Variants in GRIK1 observed in about 807,000 individuals in gnomAD.
GRIK1 encodes glutamate receptor ionotropic, kainate 1.
Under a neutral mutation model 105.7 loss-of-function variants are expected in GRIK1, and 69 were observed. The ratio of observed to expected loss-of-function variants is 0.65; its 90% CI spans 0.54 to 0.80. GRIK1 has a LOEUF of 0.80. Ranked by LOEUF, GRIK1 falls within the 30% of genes least tolerant of loss-of-function variation. GRIK1 has a pLI of 0.00. For missense variants in GRIK1, 1,109 were observed against 1,167.3 expected, an observed-to-expected ratio of 0.95 and a Z score of 0.73; for synonymous variants, 438 against 431.3, an observed-to-expected ratio of 1.02 and a Z score of -0.19.
intron 1 of GRIK1, among the ~76,000 whole-genome samples, chr21:29,876,112 ATGTGTGTGTG>A (rs1555903193): frequency 1.3e-5 from 2 of 148,976 alleles, no homozygotes; most frequent in South Asian, 2.1e-4. Context: ...GGAGATAGAT[ATGTGTGTGTG>A]TGTGTGTGTG....
Position 29,843,424 on chromosome 21 carries a change from G to C in GRIK1, c.118+95959C>G, listed in dbSNP as rs994928077. ...GAGCTAACATCTGATCTACAACGAA[G>C]AGCAAATGGATGTTTTGAGATATGA... On this transcript the variant is annotated intron_variant, in intron 1 of 17. Coordinates refer to ENST00000327783, the MANE Select transcript of GRIK1 (RefSeq NM_001330994.2). Among the ~76,000 whole-genome samples the C allele has an allele frequency of 4.6e-5, 7 of 152,182 alleles. 1 individual carries two copies. Among genetic ancestry groups the C allele is most frequent in the Admixed American group, 3.9e-4 (6 of 15,262 alleles).
intron 1 of GRIK1, among the ~76,000 whole-genome samples, chr21:29,710,785 CTCCCTCCTTCCTTCCTTCCTTCCTTCCT>C (rs1393731233): frequency 4.1e-5 from 2 of 48,936 alleles, no homozygotes; most frequent in African/African-American, 1.4e-4. Context: ...CCCTCCCTCC[CTCCCTCCTTCCTTCCTTCCTTCCTTCCT>C]TCCTTCCTTC....
chr21:29,841,237 A>G (rs1278117995), intron 1 of GRIK1, among the ~76,000 whole-genome samples: 1 of 152,186 alleles, frequency 6.6e-6, no homozygotes, highest in Non-Finnish European at 1.5e-5. Flanking sequence ...ATATGTCTTT[A>G]TTGAATTCAG....
intron 1 of GRIK1, among the ~76,000 whole-genome samples, chr21:29,825,884 T>C (rs889918448): frequency 6.6e-6 from 1 of 152,112 alleles, no homozygotes; most frequent in Non-Finnish European, 1.5e-5. Context: ...ATTTGAATGC[T>C]ATTTTAGGGA....
intron 3 of GRIK1, among the ~76,000 whole-genome samples, chr21:29,686,282 G>C (rs763088201): frequency 1.3e-5 from 2 of 152,176 alleles, no homozygotes; most frequent in Non-Finnish European, 2.9e-5. Flanking sequence ...GTGAGGAAAG[G>C]TATCTGTTCC....
At chr21:29,842,040 A>G (rs1601828849) in intron 1 of GRIK1, among the ~76,000 whole-genome samples, 1 of 152,320 alleles carries the variant, frequency 6.6e-6, no homozygotes, top group East Asian at 1.9e-4. Flanking sequence ...CTAAATCTCT[A>G]GATGATCCCT....
At chr21:29,643,586 T>C (rs1191906914) in intron 6 of GRIK1, among the ~76,000 whole-genome samples, 1 of 152,224 alleles carries the variant, frequency 6.6e-6, no homozygotes, top group Admixed American at 6.5e-5. Flanking sequence ...TGCCAGCATG[T>C]GCTTTCTTGA....
chr21:29,801,862 CT>C (rs543667536), intron 1 of GRIK1, among the ~76,000 whole-genome samples: 263 of 152,112 alleles, frequency 1.7e-3, no homozygotes, highest in African/African-American at 6.1e-3. Context: ...TACCCACTCT[CT>C]TTTTTTTCTT....
intron 10 of GRIK1, among the ~76,000 whole-genome samples, chr21:29,589,770 A>C (rs139095123): frequency 6.6e-6 from 1 of 151,706 alleles, no homozygotes; most frequent in African/African-American, 2.4e-5. Context: ...TACATCACCA[A>C]CTATTTCCTT....
intron 15 of GRIK1, among the ~76,000 whole-genome samples, chr21:29,555,864 C>T (rs1487459988): frequency 6.6e-6 from 1 of 152,216 alleles, no homozygotes; most frequent in African/African-American, 2.4e-5. Context: ...TATGCTCCAA[C>T]TGCTACAAGG....
Position 29,618,479 on chromosome 21 carries a change from TAC to T in GRIK1, c.1099-19544_1099-19543del, listed in dbSNP as rs2061902888. On this transcript the variant is annotated intron_variant, in intron 7 of 17. Coordinates refer to ENST00000327783, the MANE Select transcript of GRIK1 (RefSeq NM_001330994.2). ...TTCCTTAAAGAACTAAAAGCAGAAC[TAC>T]CACTTGATCCAGCAAGCCGACTACT... Among the ~76,000 whole-genome samples, 4 of 152,152 alleles carry T rather than the reference TAC, an allele frequency of 2.6e-5. No homozygotes were observed. The South Asian group carries it at 6.2e-4, about 24-fold the overall frequency.
At chr21:29,674,082 T>C (rs562287074) in intron 3 of GRIK1, among the ~76,000 whole-genome samples, 1 of 152,054 alleles carries the variant, frequency 6.6e-6, no homozygotes, top group South Asian at 2.1e-4. Flanking sequence ...TTGTTGTTTT[T>C]TTTTTTTAGT....
chr21:29,637,179 A>T lies in GRIK1; in HGVS notation c.1098+5647T>A, dbSNP rs78727287. 7.8e-3 allele frequency among the ~76,000 whole-genome samples: 1,186 copies of T among 152,296 alleles called. 14 individuals are homozygous for T. Among genetic ancestry groups the T allele is most frequent in the African/African-American group, 0.027 (1,117 of 41,552 alleles). ...TTAATAGAAGCACTGTGACCCAGAAAATAACTAAGGACAACTGATGTAACG... is the reference window on the plus strand; with the variant it reads ...TTAATAGAAGCACTGTGACCCAGAATATAACTAAGGACAACTGATGTAACG... On this transcript the variant is annotated intron_variant, in intron 7 of 17. Coordinates refer to ENST00000327783, the MANE Select transcript of GRIK1 (RefSeq NM_001330994.2).
chr21:29,651,114 T>C lies in GRIK1; in HGVS notation c.954+4A>G. 6.3e-7 allele frequency: 1 copy of C among 1,597,068 alleles called. No individual in the cohort carries two copies. The highest frequency in any genetic ancestry group is 8.5e-7 in the Non-Finnish European group (1 of 1,172,420). On this transcript the variant is annotated splice_donor_region_variant and intron_variant, in intron 6 of 17. Coordinates refer to ENST00000327783, the MANE Select transcript of GRIK1 (RefSeq NM_001330994.2). Reference sequence around the variant, plus strand: ...GCAAATGATTTTATTTGAAAATGACTTACTGTCATCATGCCATCCAAAAGG... The same window carrying C: ...GCAAATGATTTTATTTGAAAATGACCTACTGTCATCATGCCATCCAAAAGG...
intron 1 of GRIK1, among the ~76,000 whole-genome samples, chr21:29,696,205 A>T (rs1386970507): frequency 6.6e-6 from 1 of 152,234 alleles, no homozygotes; most frequent in Non-Finnish European, 1.5e-5. Context: ...ATAATATGGG[A>T]CATTCAGGTA....
chr21:29,693,913 A>C lies in GRIK1; in HGVS notation c.269T>G (p.Phe90Cys), dbSNP rs369101785. 3.7e-6 allele frequency: 6 copies of C among 1,613,214 alleles called. No individual in the cohort carries two copies. The highest frequency in any genetic ancestry group is 5.1e-6 in the Non-Finnish European group (6 of 1,179,324). ...DIQRINLFDSFEASRRACDQL... is the reference protein window; with the variant it reads ...DIQRINLFDSCEASRRACDQL... ...ATAGTTACCTCTCCGCGAGGCTTCA[A>C]AACTATCAAAAAGGTTAATTCTCTG... Residue 90 changes from phenylalanine to cysteine, a missense_variant, in exon 2 of 18, where the codon TTT becomes TGT. Coordinates refer to ENST00000327783, the MANE Select transcript of GRIK1 (RefSeq NM_001330994.2).
At chr21:29,783,797 A>T (rs889057381) in intron 1 of GRIK1, among the ~76,000 whole-genome samples, 4 of 152,210 alleles carry the variant, frequency 2.6e-5, no homozygotes, top group African/African-American at 9.6e-5. Context: ...TTTTAACTTT[A>T]TTGACTTTGA....
intron 4 of GRIK1, among the ~76,000 whole-genome samples, chr21:29,657,050 T>G (rs2062868200): frequency 6.6e-6 from 1 of 152,182 alleles, no homozygotes; most frequent in Non-Finnish European, 1.5e-5. Flanking sequence ...TTGTTAGCTG[T>G]TCTCTTATAT....
At chr21:29,695,646 T>G (rs1323739971) in intron 1 of GRIK1, among the ~76,000 whole-genome samples, 1 of 152,094 alleles carries the variant, frequency 6.6e-6, no homozygotes, top group Non-Finnish European at 1.5e-5. Context: ...GGCTAATTTT[T>G]GTATTTTTAG....
Sources: allele counts gnomAD v4.1 joint callset (sites outside exome capture counted in the v4.1 genomes callset), GRCh38; gene constraint gnomAD v4.1.1; transcripts MANE v1.5; gene names NCBI Gene and HGNC (gene_info 2026-07-23, HGNC 2026-07-21).